The following HACE1 variants were observed in gnomAD, a reference collection of about 807,000 sequenced individuals.
The protein encoded by HACE1 is E3 ubiquitin-protein ligase HACE1.
Under a neutral mutation model 118.4 loss-of-function variants are expected in HACE1, and 73 were observed. The observed-to-expected ratio is 0.62, with a 90% CI of 0.51 to 0.75. The LOEUF (loss-of-function observed/expected upper bound fraction) is 0.75, where lower values mean the gene tolerates loss of function less well. Ranked by LOEUF, HACE1 falls within the 30% of genes least tolerant of loss-of-function variation. The pLI is 0.00. For missense variants in HACE1, 749 were observed against 1,102.2 expected, an observed-to-expected ratio of 0.68 and a Z score of 4.54; for synonymous variants, 368 against 374.8, an observed-to-expected ratio of 0.98 and a Z score of 0.21.
At chr6:104,854,788 T>C (rs1776561087) in intron 1 of HACE1, among the ~76,000 whole-genome samples, 1 of 152,192 alleles carries the variant, frequency 6.6e-6, no homozygotes, top group South Asian at 2.1e-4. Context: ...AACTGAGCTA[T>C]TTATAGGGGA....
intron 14 of HACE1, among the ~76,000 whole-genome samples, chr6:104,780,177 A>G (rs1781581109): frequency 6.6e-6 from 1 of 152,190 alleles, no homozygotes; most frequent in Admixed American, 6.5e-5. Context: ...TATATCATTT[A>G]TCTATGAAAT....
intron 6 of HACE1, chr6:104,831,235 G>A (rs1339428544): frequency 1.3e-5 from 2 of 152,174 alleles, no homozygotes; most frequent in African/African-American, 4.8e-5. Context: ...TCTGGACACA[G>A]GAATAACAGG....
intron 19 of HACE1, among the ~76,000 whole-genome samples, chr6:104,757,481 C>T (rs192263218): frequency 2.5e-3 from 385 of 152,254 alleles, no homozygotes; most frequent in African/African-American, 8.9e-3. Context: ...AACTAACACA[C>T]AGAAAGGAAG....
At chr6:104,735,340 A>G (rs775445820) in intron 22 of HACE1, among the ~76,000 whole-genome samples, 1 of 152,200 alleles carries the variant, frequency 6.6e-6, no homozygotes, top group Non-Finnish European at 1.5e-5. Context: ...ATATGAAAGT[A>G]AAAATGGGCC....
rs147607852 is a variant in HACE1, at chr6:104,777,278, G to A, written c.1606C>T (p.His536Tyr). ...ATATCTGAATCTGGCTGTCCTGAAT[G>A]CAAATGTTCATAGAACCATTCACAG... ...DRCEWFYEHL[H>Y]SGQPDSDMVH... Residue 536 changes from histidine to tyrosine, a missense_variant, in exon 15 of 24, where the codon CAT (histidine) becomes TAT (tyrosine). His to Tyr is a moderately conservative substitution (Grantham distance 83, BLOSUM62 2). This residue lies in a region of HACE1 where 195 missense variants were observed against 322.1 expected (regional missense o/e 0.61). Transcript: ENST00000262903. 3 of 1,613,430 alleles carry A rather than the reference G, an allele frequency of 1.9e-6. No homozygotes were observed. The highest frequency in any genetic ancestry group is 2.5e-6 in the Non-Finnish European group (3 of 1,179,382).
chr6:104,774,010 A>G (rs1382811520), intron 17 of HACE1, among the ~76,000 whole-genome samples: 1 of 151,724 alleles, frequency 6.6e-6, no homozygotes, highest in Non-Finnish European at 1.5e-5. Context: ...CCAGGCACCA[A>G]CTAAGCATTT....
chr6:104,773,006 A>G (rs965405495), intron 17 of HACE1, among the ~76,000 whole-genome samples: 5 of 152,054 alleles, frequency 3.3e-5, no homozygotes, highest in Non-Finnish European at 7.4e-5. Context: ...TAAATGGTAA[A>G]TTTATATGTG....
At chr6:104,852,198 T>TG in intron 2 of HACE1, 119 bp downstream of exon 2, 5 of 547,090 alleles carry the variant, frequency 9.1e-6, no homozygotes, top group South Asian at 1.9e-5. Flanking sequence ...GTCCAAACTG[T>TG]CTGTGTGTGT....
chr6:104,849,101 G>C (rs374727145), intron 4 of HACE1, 41 bp downstream of exon 4: 13 of 1,106,794 alleles, frequency 1.2e-5, no homozygotes, highest in Middle Eastern at 3.9e-4. Flanking sequence ...TTGAATAACT[G>C]ATAATACAAC....
At chr6:104,733,806 T>C (rs1775474700) in intron 22 of HACE1, among the ~76,000 whole-genome samples, 1 of 147,846 alleles carries the variant, frequency 6.8e-6, no homozygotes, top group African/African-American at 2.5e-5. Context: ...ACCACTGCAC[T>C]CCAGCCTGGG....
chr6:104,756,042 TAATGA>T (rs1018391002), intron 19 of HACE1, among the ~76,000 whole-genome samples: 2 of 152,028 alleles, frequency 1.3e-5, no homozygotes, highest in Admixed American at 1.3e-4. Context: ...CTAGCTAGAC[TAATGA>T]AGAAAAGTGA....
At chr6:104,768,077 T>A (rs1780203134) in intron 19 of HACE1, among the ~76,000 whole-genome samples, 1 of 152,206 alleles carries the variant, frequency 6.6e-6, no homozygotes, top group African/African-American at 2.4e-5. Flanking sequence ...TATATATACA[T>A]CTGCCTATAT....
intron 17 of HACE1, among the ~76,000 whole-genome samples, chr6:104,774,082 T>C (rs892457353): frequency 6.8e-4 from 20 of 29,290 alleles, no homozygotes; most frequent in African/African-American, 3.3e-3. Flanking sequence ...TCTTTTCTCT[T>C]TTTTTTTTTT....
intron 1 of HACE1, among the ~76,000 whole-genome samples, chr6:104,854,306 C>T (rs1776518216): frequency 6.6e-6 from 1 of 152,062 alleles, no homozygotes; most frequent in Non-Finnish European, 1.5e-5. Context: ...CCGTAAATGA[C>T]ATTAGTGGGA....
intron 19 of HACE1, among the ~76,000 whole-genome samples, chr6:104,756,872 C>T (rs1778757752): frequency 6.6e-6 from 1 of 152,254 alleles, no homozygotes; most frequent in African/African-American, 2.4e-5. Flanking sequence ...GTCTTCGCAA[C>T]TGGCAGACCA....
chr6:104,796,702 G>C lies in HACE1; in HGVS notation c.769C>G (p.Gln257Glu). ...VLIQYHPRLF[Q>E]TIIQMTQNED... is the part of the protein sequence containing the mutation. ...TTCTGTGTCATTTGAATAATAGTCTGAAAAAGCCTCGGGTGATATTGAATT... is the reference window on the plus strand; with the variant it reads ...TTCTGTGTCATTTGAATAATAGTCTCAAAAAGCCTCGGGTGATATTGAATT... Residue 257 changes from glutamine to glutamate, a missense_variant, in exon 9 of 24, where the codon CAG (glutamine) becomes GAG (glutamate). Gln to Glu is a conservative substitution (Grantham distance 29). Coordinates refer to ENST00000262903, the MANE Select transcript of HACE1 (RefSeq NM_020771.4). 1 of 1,594,602 alleles carries C rather than the reference G, an allele frequency of 6.3e-7. No homozygotes were observed. The highest frequency in any genetic ancestry group is 8.6e-7 in the Non-Finnish European group (1 of 1,163,368).
At chr6:104,792,921 G>A (rs1040806964) in intron 10 of HACE1, among the ~76,000 whole-genome samples, 23 of 152,122 alleles carry the variant, frequency 1.5e-4, no homozygotes, top group African/African-American at 5.1e-4. Flanking sequence ...GGTTGTTGCT[G>A]CCTTTGCTCA....
chr6:104,841,526 T>G (rs1182406543), intron 5 of HACE1, among the ~76,000 whole-genome samples: 1 of 152,170 alleles, frequency 6.6e-6, no homozygotes, highest in Non-Finnish European at 1.5e-5. Flanking sequence ...TATTATATTA[T>G]TAATACATAA....
At chr6:104,795,430 G>T (rs1017767102) in intron 10 of HACE1, 149 bp downstream of exon 10, 115 of 683,552 alleles carry the variant, frequency 1.7e-4, no homozygotes, top group Non-Finnish European at 2.9e-4. Context: ...TGATTACCCT[G>T]GTCCTTTCAA....
Sources: allele counts gnomAD v4.1 joint callset (sites outside exome capture counted in the v4.1 genomes callset), GRCh38; gene constraint gnomAD v4.1.1; regional missense constraint gnomAD v4.1.1; transcripts MANE v1.5; gene names NCBI Gene and HGNC (gene_info 2026-07-23, HGNC 2026-07-21).